The following KDM4C variants were observed in gnomAD, a reference collection of about 807,000 sequenced individuals.
KDM4C encodes lysine demethylase 4C.
A neutral mutation model predicts 129.3 loss-of-function variants in KDM4C; 81 were observed. That is an observed-to-expected ratio of 0.63 (90% CI 0.52 to 0.75). KDM4C has a LOEUF of 0.75. Among genes scored for constraint, KDM4C ranks in the 30% least tolerant of loss-of-function variants. KDM4C has a pLI of 0.00. For missense variants in KDM4C, 1,457 were observed against 1,304.0 expected (o/e 1.12, Z -1.81); for synonymous variants, 573 against 456.1 (o/e 1.26, Z -3.26).
In KDM4C at chr9:6,871,587, T is replaced by C. The variant is rs140439676; in HGVS notation, c.630-8425T>C. ...ACTGTCCCAAAGCTTAAATGAATAA[T>C]TATTAATTTTAACAAACCAGTATGT... On this transcript the variant is annotated intron_variant, in intron 5 of 21. Transcript: ENST00000381309. Among the ~76,000 whole-genome samples, 421 of 152,314 alleles carry C rather than the reference T, an allele frequency of 2.8e-3. 2 individuals are homozygous for C. The highest frequency in any genetic ancestry group is 9.6e-3 in the African/African-American group (399 of 41,566).
intron 1 of KDM4C, among the ~76,000 whole-genome samples, chr9:6,775,734 C>T (rs968497560): frequency 6.6e-6 from 1 of 152,034 alleles, no homozygotes. Flanking sequence ...GTTGGTCAGG[C>T]TGGTCTCGAA....
chr9:6,790,290 G>A (rs1826291780), intron 1 of KDM4C, among the ~76,000 whole-genome samples: 1 of 150,370 alleles, frequency 6.7e-6, no homozygotes, highest in Non-Finnish European at 1.5e-5. Flanking sequence ...TTTTGAGATG[G>A]AGTGCAGTGG....
At chr9:6,862,511 C>T (rs1161856413) in intron 5 of KDM4C, among the ~76,000 whole-genome samples, 6 of 152,088 alleles carry the variant, frequency 3.9e-5, no homozygotes, top group Non-Finnish European at 8.8e-5. Context: ...CCCTTAAAGG[C>T]TAAACTTCAG....
intron 17 of KDM4C, among the ~76,000 whole-genome samples, chr9:7,053,228 G>A (rs892060173): frequency 6.6e-6 from 1 of 152,156 alleles, no homozygotes; most frequent in African/African-American, 2.4e-5. Flanking sequence ...TTTATGCAGA[G>A]GTATTTGAAT....
intron 18 of KDM4C, among the ~76,000 whole-genome samples, chr9:7,123,015 C>G (rs1038579877): frequency 6.6e-6 from 1 of 152,142 alleles, no homozygotes; most frequent in African/African-American, 2.4e-5. Context: ...GTATGCTTGT[C>G]AATACATTTT....
chr9:6,778,141 G>GTTT (rs1293357977), intron 1 of KDM4C, among the ~76,000 whole-genome samples: 1 of 150,850 alleles, frequency 6.6e-6, no homozygotes, highest in Non-Finnish European at 1.5e-5. Context: ...CAAGGCTGGA[G>GTTT]TGCAGTGGCA....
intron 1 of KDM4C, among the ~76,000 whole-genome samples, chr9:6,728,066 C>CAAAA (rs574486528): frequency 4.1e-5 from 3 of 73,930 alleles, no homozygotes; most frequent in African/African-American, 1.2e-4. Flanking sequence ...CATGAAGCTG[C>CAAAA]AAAAAAAAAA....
At chr9:6,903,594 G>A (rs952438404) in intron 8 of KDM4C, among the ~76,000 whole-genome samples, 9 of 152,174 alleles carry the variant, frequency 5.9e-5, no homozygotes, top group African/African-American at 2.2e-4. Context: ...TGTAGTGCCA[G>A]TTTTATCAGT....
At chr9:6,769,465 A>G (rs1306729032) in intron 1 of KDM4C, among the ~76,000 whole-genome samples, 1 of 152,098 alleles carries the variant, frequency 6.6e-6, no homozygotes, top group Non-Finnish European at 1.5e-5. Flanking sequence ...TTGCTGTTTG[A>G]CCTTAGAAAA....
At chr9:7,033,033 G>T (rs1210669118) in intron 15 of KDM4C, among the ~76,000 whole-genome samples, 4 of 152,092 alleles carry the variant, frequency 2.6e-5, no homozygotes, top group Admixed American at 2.6e-4. Flanking sequence ...TTTTCGAAGA[G>T]CTCTGAAGCG....
intron 4 of KDM4C, among the ~76,000 whole-genome samples, chr9:6,848,119 C>T (rs1015764802): frequency 1.3e-5 from 2 of 151,870 alleles, no homozygotes; most frequent in African/African-American, 4.8e-5. Flanking sequence ...GTCTTGAGCT[C>T]CTGGGCTCAA....
At chr9:6,851,080 T>C (rs1277826780) in intron 5 of KDM4C, among the ~76,000 whole-genome samples, 1 of 152,222 alleles carries the variant, frequency 6.6e-6, no homozygotes, top group African/African-American at 2.4e-5. Context: ...ATAGGTGGTC[T>C]AGGACTCATA....
chr9:6,844,001 T>A (rs1837427058), intron 4 of KDM4C, among the ~76,000 whole-genome samples: 1 of 152,108 alleles, frequency 6.6e-6, no homozygotes, highest in African/African-American at 2.4e-5. Context: ...ACCCGGCTAT[T>A]TTTTAAAATT....
At chr9:6,972,012 G>C (rs555309916) in intron 8 of KDM4C, among the ~76,000 whole-genome samples, 51 of 152,204 alleles carry the variant, frequency 3.4e-4, no homozygotes, top group African/African-American at 1.2e-3. Flanking sequence ...TCTTCACCGA[G>C]TGTAGGTTTT....
At chr9:6,947,733 G>A (rs1827235643) in intron 8 of KDM4C, among the ~76,000 whole-genome samples, 1 of 152,058 alleles carries the variant, frequency 6.6e-6, no homozygotes, top group Admixed American at 6.5e-5. Context: ...TTCTAATATG[G>A]CTGTGCTTTA....
At chr9:7,023,597 T>C (rs183331101) in intron 15 of KDM4C, among the ~76,000 whole-genome samples, 2 of 152,228 alleles carry the variant, frequency 1.3e-5, no homozygotes, top group African/African-American at 4.8e-5. Flanking sequence ...ATCTTTTTGT[T>C]TTATTGATCT....
chr9:7,148,618 A>C (rs1842436713), intron 19 of KDM4C, among the ~76,000 whole-genome samples: 1 of 152,060 alleles, frequency 6.6e-6, no homozygotes, highest in Non-Finnish European at 1.5e-5. Context: ...AACCCATTTC[A>C]CTCCCACCAT....
At chr9:6,930,996 A>C (rs1177632856) in intron 8 of KDM4C, among the ~76,000 whole-genome samples, 2 of 152,146 alleles carry the variant, frequency 1.3e-5, no homozygotes, top group Non-Finnish European at 2.9e-5. Flanking sequence ...ATGCAACTGC[A>C]TTCTTATGCT....
chr9:6,940,113 A>G (rs998719771), intron 8 of KDM4C, among the ~76,000 whole-genome samples: 5 of 146,294 alleles, frequency 3.4e-5, no homozygotes, highest in East Asian at 4.0e-4. Flanking sequence ...TCTTCTTTCA[A>G]CAGGGTCCCA....
Sources: gnomAD v4.1 joint callset for allele counts (sites outside exome capture counted in the v4.1 genomes callset) on GRCh38, gnomAD v4.1.1 for gene constraint, MANE v1.5 for transcripts, NCBI Gene and HGNC (gene_info 2026-07-23, HGNC 2026-07-21) for gene names.